The following NPY variants were observed in gnomAD, a reference collection of about 807,000 sequenced individuals.
NPY encodes the protein neuropeptide Y.
In NPY, 11 loss-of-function variants were observed where a neutral mutation model predicts 13.2. That is an observed-to-expected ratio of 0.83 (90% CI 0.52 to 1.38). The LOEUF is 1.38. Ranked by LOEUF, NPY falls within the 40% of genes most tolerant of loss-of-function variation. The probability of loss-of-function intolerance (pLI) is 0.00; values close to 1 mark genes in which losing one functional copy is unlikely to be tolerated. For missense variants in NPY, 109 were observed against 125.1 expected (o/e 0.87, Z 0.61); for synonymous variants, 51 against 55.6 (o/e 0.92, Z 0.37).
rs1015462639 is a variant in NPY, at chr7:24,285,706, T to C, written c.188+278T>C. ...GCAATCTCCTCTCACTCACCTCTTA[T>C]GGTTTGTTGTGGTTCTTACGGCAGT... On this transcript the variant is annotated intron_variant, in intron 2 of 3. Coordinates refer to ENST00000242152, the MANE Select transcript of NPY (RefSeq NM_000905.4). This position sits in a 1 kb window ranked among gnomAD's most constrained non-coding sequence, Gnocchi z 4.9. Among the ~76,000 whole-genome samples the C allele has an allele frequency of 6.6e-6, 1 of 152,030 alleles. No individual in the cohort carries two copies. Among genetic ancestry groups the C allele is most frequent in the Non-Finnish European group, 1.5e-5 (1 of 67,990 alleles).
chr7:24,288,688 A>G (rs905913913), intron 2 of NPY, among the ~76,000 whole-genome samples: 7 of 50,856 alleles, frequency 1.4e-4, no homozygotes, highest in South Asian at 1.1e-3. Flanking sequence ...GCTACAGGAG[A>G]AAAAAAAAAA....
At chr7:24,290,775 A>AATAATTATTATTATTATTATTATT (rs10701264) in intron 3 of NPY, among the ~76,000 whole-genome samples, 513 of 129,624 alleles carry the variant, frequency 4.0e-3, no homozygotes, top group Non-Finnish European at 4.6e-3. Context: ...TAATAATAAT[A>AATAATTATTATTATTATTATTATT]ATTATTATTA....
Position 24,285,717 on chromosome 7 carries a change from G to T in NPY, c.188+289G>T, listed in dbSNP as rs1043872617. On this transcript the variant is annotated intron_variant, in intron 2 of 3. Transcript: ENST00000242152. The surrounding 1 kb of genome is among the most constrained non-coding windows in gnomAD (Gnocchi z 4.9). ...TCACTCACCTCTTATGGTTTGTTGT[G>T]GTTCTTACGGCAGTGGGGCCCGGTC... Among the ~76,000 whole-genome samples the T allele has an allele frequency of 2.0e-5, 3 of 152,070 alleles. No homozygotes were observed. The highest frequency in any genetic ancestry group is 2.9e-5 in the Non-Finnish European group (2 of 68,012).
Position 24,285,346 on chromosome 7 carries a change from C to G in NPY, c.106C>G (p.Pro36Ala), listed in dbSNP as rs999271326. ...GGCGTACCCCTCCAAGCCGGACAAC[C>G]CGGGCGAGGACGCACCAGCGGAGGA... ...AEAYPSKPDN[P>A]GEDAPAEDMA... Residue 36 changes from proline to alanine, a missense_variant, in exon 2 of 4, where the codon CCG becomes GCG. By Grantham distance (27) the Pro-to-Ala change is conservative (BLOSUM62 -1). Transcript: ENST00000242152. The surrounding 1 kb of genome is among the most constrained non-coding windows in gnomAD (Gnocchi z 4.9). 1.2e-6 allele frequency: 2 copies of G among 1,613,948 alleles called. No homozygotes were observed. Among genetic ancestry groups the G allele is most frequent in the Non-Finnish European group, 1.7e-6 (2 of 1,180,024 alleles).
intron 2 of NPY, among the ~76,000 whole-genome samples, chr7:24,289,004 G>C (rs994245938): frequency 6.6e-6 from 1 of 152,114 alleles, no homozygotes; most frequent in African/African-American, 2.4e-5. Context: ...GACACAGGTG[G>C]GTCTTGGACG....
chr7:24,287,311 TTAATG>T (rs1787428334), intron 2 of NPY, among the ~76,000 whole-genome samples: 1 of 152,236 alleles, frequency 6.6e-6, no homozygotes, highest in Admixed American at 6.5e-5. Context: ...GCAGAGGCTC[TTAATG>T]TACGTCCATC....
chr7:24,290,986 T>A (rs1787580784), intron 3 of NPY, among the ~76,000 whole-genome samples: 1 of 152,086 alleles, frequency 6.6e-6, no homozygotes, highest in Admixed American at 6.5e-5. Flanking sequence ...CATGTTTCAC[T>A]GACATGCATA....
chr7:24,287,452 C>T, intron 2 of NPY, among the ~76,000 whole-genome samples: 1 of 151,820 alleles, frequency 6.6e-6, no homozygotes, highest in Non-Finnish European at 1.5e-5. Flanking sequence ...CCCCCGCCCC[C>T]CGCCACCAGC....
chr7:24,289,394 C>A (rs1787512589), intron 2 of NPY, 105 bp from the exon 3 acceptor site: 2 of 665,734 alleles, frequency 3.0e-6, no homozygotes, highest in Non-Finnish European at 5.1e-6. Flanking sequence ...GAACACCTGA[C>A]AATAATGTTT....
chr7:24,287,995 T>C (rs1787453991), intron 2 of NPY, among the ~76,000 whole-genome samples: 1 of 152,176 alleles, frequency 6.6e-6, no homozygotes, highest in Non-Finnish European at 1.5e-5. Context: ...GGACTCAATC[T>C]TTGAAAGTTA....
intron 3 of NPY, among the ~76,000 whole-genome samples, chr7:24,290,754 T>A (rs943582944): frequency 4.3e-5 from 3 of 70,208 alleles, no homozygotes; most frequent in Non-Finnish European, 8.8e-5. Flanking sequence ...TATCTTTTTT[T>A]AATTAAATAA....
chr7:24,285,904 G>C lies in NPY; in HGVS notation c.188+476G>C, dbSNP rs979684273. 6.6e-6 allele frequency among the ~76,000 whole-genome samples: 1 copy of C among 152,052 alleles called. No homozygotes were observed. Among genetic ancestry groups the C allele is most frequent in the Non-Finnish European group, 1.5e-5 (1 of 68,016 alleles). ...TGCCACAGACATTGTCAGACTTTCC[G>C]GCCTGCCCAGGGCTAATTGAATGAC... is the stretch of plus-strand genomic sequence containing the variant. On this transcript the variant is annotated intron_variant, in intron 2 of 3. Transcript: ENST00000242152. This position sits in a 1 kb window ranked among gnomAD's most constrained non-coding sequence, Gnocchi z 4.9.
intron 2 of NPY, among the ~76,000 whole-genome samples, chr7:24,286,888 G>A (rs1468272): frequency 0.97 from 147,820 of 152,358 alleles, 71,733 homozygotes; most frequent in East Asian, 1. Flanking sequence ...TTATTTAGCT[G>A]TAGCATAATA....
At chr7:24,287,873 C>T (rs1444681943) in intron 2 of NPY, among the ~76,000 whole-genome samples, 10 of 152,114 alleles carry the variant, frequency 6.6e-5, no homozygotes, top group Admixed American at 6.5e-4. Context: ...TGGGATCCAC[C>T]CCTGACCAAT....
chr7:24,284,581 A>T (rs1452667572), intron 1 of NPY, among the ~76,000 whole-genome samples: 2 of 152,220 alleles, frequency 1.3e-5, no homozygotes, highest in Non-Finnish European at 2.9e-5. Context: ...ATCCCAAGGC[A>T]GCTGGCGGTC....
Position 24,290,826 on chromosome 7 carries a change from GCA to G in NPY, c.270-834_270-833del, listed in dbSNP as rs562670318. Among the ~76,000 whole-genome samples, 17 of 147,574 alleles carry G rather than the reference GCA, an allele frequency of 1.2e-4. No homozygotes were observed. In the East Asian group the frequency reaches 3.2e-3, roughly 28 times the overall value. On this transcript the variant is annotated intron_variant, in intron 3 of 3. Coordinates refer to ENST00000242152, the MANE Select transcript of NPY (RefSeq NM_000905.4). ...GTCTCCTTCTGTCACTCAGGCCAGA[GCA>G]CAGTGGTGCAATCAAAGATCACTGC...
rs914890012 is a variant in NPY, at chr7:24,285,782, C to T, written c.188+354C>T. 1.3e-5 allele frequency among the ~76,000 whole-genome samples: 2 copies of T among 152,090 alleles called. No homozygotes were observed. Among genetic ancestry groups the T allele is most frequent in the Non-Finnish European group, 2.9e-5 (2 of 67,988 alleles). On this transcript the variant is annotated intron_variant, in intron 2 of 3. Transcript: ENST00000242152. This position sits in a 1 kb window ranked among gnomAD's most constrained non-coding sequence, Gnocchi z 4.9. ...GTACCCAGTGAAAGGGGCAAGAATG[C>T]GCCAGAGAAATGCTGTAGGGGGAAA...
At chr7:24,290,775 A>AATAATAATAATAATAATAATTATT (rs10701264) in intron 3 of NPY, among the ~76,000 whole-genome samples, 8 of 129,634 alleles carry the variant, frequency 6.2e-5, no homozygotes, top group Non-Finnish European at 9.7e-5. Flanking sequence ...TAATAATAAT[A>AATAATAATAATAATAATAATTATT]ATTATTATTA....
intron 2 of NPY, among the ~76,000 whole-genome samples, chr7:24,288,692 A>G (rs1256167889): frequency 5.1e-5 from 7 of 137,158 alleles, no homozygotes; most frequent in African/African-American, 2.0e-4. Context: ...CAGGAGAAAA[A>G]AAAAAAAAAA....
Sources: gnomAD v4.1 joint callset for allele counts (sites outside exome capture counted in the v4.1 genomes callset) on GRCh38, gnomAD v4.1.1 for gene constraint, Gnocchi (gnomAD v3.1) non-coding constraint, MANE v1.5 for transcripts, NCBI Gene and HGNC (gene_info 2026-07-23, HGNC 2026-07-21) for gene names.